The following TMEM132C variants were observed in gnomAD, a reference collection of about 807,000 sequenced individuals.
The protein encoded by TMEM132C is protein phosphatase 1, regulatory subunit 152.
In TMEM132C, 29 loss-of-function variants were observed where a neutral mutation model predicts 61.4. The ratio of observed to expected loss-of-function variants is 0.47; its 90% confidence interval spans 0.35 to 0.64. The LOEUF is 0.64. Ranked by LOEUF, TMEM132C falls within the 30% of genes least tolerant of loss-of-function variation. The pLI is 0.00. For missense variants in TMEM132C, 1,408 were observed against 1,476.9 expected (o/e 0.95, Z 0.76); for synonymous variants, 656 against 633.1 (o/e 1.04, Z -0.54).
chr12:128,307,426 GAAA>G (rs71069555), intron 1 of TMEM132C, among the ~76,000 whole-genome samples: 56 of 143,490 alleles, frequency 3.9e-4, no homozygotes, highest in African/African-American at 9.3e-4. Context: ...CTCCAGATTT[GAAA>G]AAAAAAAAAA....
At chr12:128,377,999 C>T (rs1417908130) in intron 1 of TMEM132C, among the ~76,000 whole-genome samples, 4 of 152,128 alleles carry the variant, frequency 2.6e-5, no homozygotes, top group Admixed American at 2.0e-4. Context: ...GGTCCTGCTA[C>T]GTGACAATGC....
chr12:128,679,929 G>C (rs1270592635), intron 5 of TMEM132C, among the ~76,000 whole-genome samples: 2 of 152,140 alleles, frequency 1.3e-5, no homozygotes, highest in Non-Finnish European at 2.9e-5. Context: ...GGTAGCATTT[G>C]AGCTGAGATC....
At chr12:128,618,714 G>A (rs149848926) in intron 4 of TMEM132C, among the ~76,000 whole-genome samples, 3 of 152,072 alleles carry the variant, frequency 2.0e-5, no homozygotes, top group African/African-American at 4.8e-5. Context: ...TCTTCCCGTC[G>A]CCATGTAAGA....
chr12:128,501,506 A>G (rs1872179005), intron 2 of TMEM132C, among the ~76,000 whole-genome samples: 1 of 152,098 alleles, frequency 6.6e-6, no homozygotes, highest in Admixed American at 6.6e-5. Context: ...GACCATGGAA[A>G]CCATTGTGTG....
intron 3 of TMEM132C, among the ~76,000 whole-genome samples, chr12:128,545,353 T>C (rs1873910299): frequency 6.6e-6 from 1 of 152,228 alleles, no homozygotes; most frequent in African/African-American, 2.4e-5. Flanking sequence ...ATACCAGATT[T>C]TCTTGATCCA....
chr12:128,599,038 G>A (rs755884807), intron 3 of TMEM132C, among the ~76,000 whole-genome samples: 8 of 144,338 alleles, frequency 5.5e-5, no homozygotes, highest in Non-Finnish European at 1.1e-4. Context: ...ACAGTGGGAA[G>A]GAAAAAAGAA....
At chr12:128,292,698 T>C (rs1196218648) in intron 1 of TMEM132C, among the ~76,000 whole-genome samples, 1 of 113,862 alleles carries the variant, frequency 8.8e-6, no homozygotes, top group Non-Finnish European at 1.8e-5. Flanking sequence ...AGTACCTAGG[T>C]ACCTAAATTC....
At chr12:128,688,868 A>G (rs771317138) in intron 5 of TMEM132C, among the ~76,000 whole-genome samples, 1 of 152,168 alleles carries the variant, frequency 6.6e-6, no homozygotes, top group Non-Finnish European at 1.5e-5. Context: ...ATCTCAGCTC[A>G]CTGTAACCTC....
At chr12:128,539,280 G>A (rs1001133639) in intron 2 of TMEM132C, among the ~76,000 whole-genome samples, 3 of 152,206 alleles carry the variant, frequency 2.0e-5, no homozygotes, top group Non-Finnish European at 4.4e-5. Context: ...ACATGCTCAA[G>A]TAGGTTCCCA....
chr12:128,331,286 A>G (rs1476547991), intron 1 of TMEM132C, among the ~76,000 whole-genome samples: 1 of 152,124 alleles, frequency 6.6e-6, no homozygotes, highest in Non-Finnish European at 1.5e-5. Flanking sequence ...TAAGCAATCG[A>G]GTTTTATCTA....
intron 2 of TMEM132C, among the ~76,000 whole-genome samples, chr12:128,427,197 T>C (rs918868518): frequency 6.6e-6 from 1 of 152,110 alleles, no homozygotes; most frequent in African/African-American, 2.4e-5. Flanking sequence ...AGTCATTAAC[T>C]GAATTAAAAT....
At chr12:128,349,323 C>A (rs1213129209) in intron 1 of TMEM132C, among the ~76,000 whole-genome samples, 1 of 152,152 alleles carries the variant, frequency 6.6e-6, no homozygotes, top group Non-Finnish European at 1.5e-5. Context: ...TTTTAAAAGG[C>A]AGAGTCACCA....
Position 128,614,078 on chromosome 12 carries a change from T to C in TMEM132C, c.1122-2074T>C, listed in dbSNP as rs548032639. ...GACACCTCAGGCTGGATGCCAAGGC[T>C]CACCAGAACCCTGGCCCCCCTACAA... is the stretch of plus-strand genomic sequence containing the variant. On this transcript the variant is annotated intron_variant, in intron 3 of 8. Coordinates refer to ENST00000435159, the MANE Select transcript of TMEM132C (RefSeq NM_001136103.3). Among the ~76,000 whole-genome samples the C allele has an allele frequency of 2.0e-5, 3 of 152,268 alleles. No homozygotes were observed. In the South Asian group the frequency reaches 6.2e-4, roughly 32 times the overall value.
At chr12:128,614,437 G>T (rs1225917194) in intron 3 of TMEM132C, among the ~76,000 whole-genome samples, 2 of 151,956 alleles carry the variant, frequency 1.3e-5, no homozygotes, top group Admixed American at 1.3e-4. Flanking sequence ...GCTGTCTCCT[G>T]CCCTAAGGAA....
intron 2 of TMEM132C, among the ~76,000 whole-genome samples, chr12:128,538,548 C>G (rs12826244): frequency 6.6e-6 from 1 of 152,026 alleles, no homozygotes; most frequent in Non-Finnish European, 1.5e-5. Context: ...GCCACCAAAC[C>G]CAGCCACAAC....
chr12:128,575,236 T>C (rs1414243568), intron 3 of TMEM132C, among the ~76,000 whole-genome samples: 1 of 152,184 alleles, frequency 6.6e-6, no homozygotes, highest in Non-Finnish European at 1.5e-5. Context: ...TCCCAACACT[T>C]TGGGGGGGCC....
intron 2 of TMEM132C, among the ~76,000 whole-genome samples, chr12:128,465,628 T>C (rs774701184): frequency 6.6e-5 from 10 of 152,242 alleles, no homozygotes; most frequent in Non-Finnish European, 1.2e-4. Flanking sequence ...GGTGAGGGCC[T>C]GCCTGGGATT....
chr12:128,578,177 A>G (rs1875191921), intron 3 of TMEM132C, among the ~76,000 whole-genome samples: 1 of 152,260 alleles, frequency 6.6e-6, no homozygotes. Context: ...GAGTGAGCCT[A>G]AATGGCTCCC....
At chr12:128,596,160 T>C (rs1317433266) in intron 3 of TMEM132C, among the ~76,000 whole-genome samples, 71 of 108,614 alleles carry the variant, frequency 6.5e-4, no homozygotes, top group African/African-American at 1.6e-3. Context: ...GGTACAGAGG[T>C]GGCACGGCTT....
Sources: allele counts gnomAD v4.1 joint callset (sites outside exome capture counted in the v4.1 genomes callset), GRCh38; gene constraint gnomAD v4.1.1; transcripts MANE v1.5; gene names NCBI Gene and HGNC (gene_info 2026-07-23, HGNC 2026-07-21).